The following WNT2B variants were observed in gnomAD, a reference collection of about 807,000 sequenced individuals.
The protein encoded by WNT2B is Wnt family member 2B, also known as protein Wnt-2b.
WNT2B carries 19 observed loss-of-function variants against 40.5 expected under a neutral mutation model. The observed-to-expected ratio is 0.47, with a 90% CI of 0.33 to 0.69. The LOEUF (loss-of-function observed/expected upper bound fraction) is 0.69, where lower values mean the gene tolerates loss of function less well. Ranked by LOEUF, WNT2B falls within the 30% of genes least tolerant of loss-of-function variation. WNT2B has a pLI of 0.02. For synonymous variants in WNT2B, 220 were observed against 211.9 expected (o/e 1.04, Z -0.33); for missense variants, 467 against 556.4 (o/e 0.84, Z 1.62).
intron 1 of WNT2B, among the ~76,000 whole-genome samples, chr1:112,482,533 A>G (rs938397947): frequency 3.3e-5 from 5 of 151,996 alleles, no homozygotes; most frequent in African/African-American, 7.2e-5. Flanking sequence ...GGGTCTTGCT[A>G]TGTTGCCCAG....
At chr1:112,495,538 A>G (rs904670609) in intron 1 of WNT2B, among the ~76,000 whole-genome samples, 22 of 152,200 alleles carry the variant, frequency 1.4e-4, no homozygotes, top group Middle Eastern at 3.4e-3. Flanking sequence ...GCAGCCAGCC[A>G]AGAACGCGCC....
At chr1:112,491,166 T>G (rs1416473622) in intron 1 of WNT2B, 5 of 1,344,650 alleles carry the variant, frequency 3.7e-6, no homozygotes, top group East Asian at 2.5e-5. Flanking sequence ...TCCCAGCACT[T>G]TCAGAGGCTG....
chr1:112,482,235 T>C (rs1182815074), intron 1 of WNT2B, among the ~76,000 whole-genome samples: 2 of 152,014 alleles, frequency 1.3e-5, no homozygotes, highest in South Asian at 4.1e-4. Context: ...GGGAGAATAG[T>C]TTGAACCCGA....
At chr1:112,470,441 T>G (rs1028047374) in intron 1 of WNT2B, among the ~76,000 whole-genome samples, 1 of 151,870 alleles carries the variant, frequency 6.6e-6, no homozygotes, top group Non-Finnish European at 1.5e-5. Flanking sequence ...ATATAAAAAT[T>G]AGCCAGGTGT....
In WNT2B at chr1:112,491,236, C is replaced by T. The variant is rs138265788; in HGVS notation, c.-94-23638C>T. On this transcript the variant is annotated intron_variant, in intron 1 of 4. Transcript: ENST00000256640. ...CAGCCTGGCCAACATGGTGAAACTC[C>T]GTCTCTACCAAAAATACAAAAATTA... 5.0e-3 allele frequency among the ~76,000 whole-genome samples: 755 copies of T among 152,034 alleles called. 3 individuals are homozygous for T. Among genetic ancestry groups the T allele is most frequent in the African/African-American group, 0.011 (462 of 41,482 alleles).
chr1:112,501,267 A>G (rs1456312958), intron 1 of WNT2B, among the ~76,000 whole-genome samples: 4 of 152,138 alleles, frequency 2.6e-5, no homozygotes, highest in Non-Finnish European at 4.4e-5. Flanking sequence ...CATACTATCA[A>G]CCTGACACTG....
upstream of WNT2B, among the ~76,000 whole-genome samples, chr1:112,504,689 C>T (rs975382678): frequency 6.6e-6 from 1 of 152,120 alleles, no homozygotes; most frequent in African/African-American, 2.4e-5. Context: ...AGACCTGCCT[C>T]GGTTTGCAAA....
chr1:112,518,985 A>G (rs1652712295), intron 4 of WNT2B, among the ~76,000 whole-genome samples: 1 of 152,152 alleles, frequency 6.6e-6, no homozygotes, highest in South Asian at 2.1e-4. Context: ...TTTTTAGTTT[A>G]ATTTTCATTA....
At chr1:112,479,947 C>T (rs950278255) in intron 1 of WNT2B, among the ~76,000 whole-genome samples, 15 of 151,926 alleles carry the variant, frequency 9.9e-5, no homozygotes, top group Non-Finnish European at 1.8e-4. Context: ...CTCCTGACCT[C>T]GTGATCTGCC....
At chr1:112,496,309 C>T (rs188687445) in intron 1 of WNT2B, among the ~76,000 whole-genome samples, 170 of 152,278 alleles carry the variant, frequency 1.1e-3, no homozygotes, top group African/African-American at 4.0e-3. Context: ...AGAAGGTACA[C>T]ATTCAAATTT....
Position 112,526,177 on chromosome 1 carries a change from A to G in WNT2B, c.*5668A>G, listed in dbSNP as rs1653346705. On this transcript the variant is annotated 3_prime_UTR_variant, in exon 5 of 5. Coordinates refer to ENST00000369684, the MANE Select transcript of WNT2B (RefSeq NM_024494.3). Reference sequence around the variant, plus strand: ...GGAGTCCCAGGACAGCCAAGAGAGTATATCTGAGCACAGTTTACAAAGGAA... The same window carrying G: ...GGAGTCCCAGGACAGCCAAGAGAGTGTATCTGAGCACAGTTTACAAAGGAA... The G allele has an allele frequency of 6.2e-7, 1 of 1,605,814 alleles. No homozygotes were observed.
chr1:112,508,873 G>A (rs1652225921), upstream of WNT2B: 2 of 1,017,672 alleles, frequency 2.0e-6, no homozygotes, highest in Middle Eastern at 4.7e-4. This position sits in a 1 kb window ranked among gnomAD's most constrained non-coding sequence, Gnocchi z 4.2. Context: ...CGGGCTTGGC[G>A]CGGGCGGAGC....
exon 1 of WNT2B, chr1:112,467,541 T>G (rs748359981): frequency 1.4e-5 from 11 of 780,912 alleles, no homozygotes; most frequent in Admixed American, 1.2e-4. Flanking sequence ...TTCCCACATG[T>G]TGGATGGCCT....
intron 1 of WNT2B, among the ~76,000 whole-genome samples, chr1:112,478,995 C>T (rs973814759): frequency 7.3e-5 from 11 of 151,308 alleles, no homozygotes; most frequent in African/African-American, 1.7e-4. Flanking sequence ...CCAAGGTGGG[C>T]GGATCCCCTC....
At chr1:112,470,448 G>A (rs989605068) in intron 1 of WNT2B, among the ~76,000 whole-genome samples, 1 of 152,036 alleles carries the variant, frequency 6.6e-6, no homozygotes, top group Non-Finnish European at 1.5e-5. Flanking sequence ...AATTAGCCAG[G>A]TGTGATGGTG....
intron 1 of WNT2B, among the ~76,000 whole-genome samples, chr1:112,491,569 A>G (rs529850387): frequency 6.6e-6 from 1 of 152,216 alleles, no homozygotes; most frequent in East Asian, 1.9e-4. Flanking sequence ...GGAAAATGGT[A>G]AATAAACACA....
At position 112,515,068 on chromosome 1, in the gene WNT2B, C is replaced by A. The variant is rs763018977; in HGVS notation, c.377C>A (p.Thr126Asn). ...WNCTTLDRDH[T>N]VFGRVMLRSS... ...TGTACCACCCTGGACCGGGACCACA[C>A]CGTCTTTGGCCGTGTCATGCTCAGA... The change falls in exon 2 of 5, where the codon ACC (threonine) becomes AAC (asparagine). Residue 126 changes from threonine (T) to asparagine (N), a missense_variant. Physicochemically the swap from Thr to Asn is moderately conservative, Grantham distance 65. This residue lies in a region of WNT2B where 330 missense variants were observed against 438.6 expected (regional missense o/e 0.75). Coordinates refer to ENST00000369684, the MANE Select transcript of WNT2B (RefSeq NM_024494.3). This position sits in a 1 kb window ranked among gnomAD's most constrained non-coding sequence, Gnocchi z 4.4. 3.7e-6 allele frequency: 6 copies of A among 1,614,188 alleles called. No homozygotes were observed. Among genetic ancestry groups the A allele is most frequent in the Non-Finnish European group, 5.1e-6 (6 of 1,180,030 alleles).
At chr1:112,467,530 T>G (rs1249705961) in exon 1 of WNT2B, 1 of 780,882 alleles carries the variant, frequency 1.3e-6, no homozygotes. Flanking sequence ...TATATCACAC[T>G]TTCCCACATG....
intron 1 of WNT2B, among the ~76,000 whole-genome samples, chr1:112,501,073 T>G (rs1437779724): frequency 1.3e-5 from 2 of 152,222 alleles, no homozygotes; most frequent in East Asian, 3.8e-4. Context: ...CTCTTGGCTG[T>G]GACAGTTGCT....
Sources: allele counts gnomAD v4.1 joint callset (sites outside exome capture counted in the v4.1 genomes callset), GRCh38; gene constraint gnomAD v4.1.1; regional missense constraint gnomAD v4.1.1; non-coding constraint Gnocchi (gnomAD v3.1); transcripts MANE v1.5; gene names NCBI Gene and HGNC (gene_info 2026-07-23, HGNC 2026-07-21).